The following ADARB1 variants were observed in gnomAD, a reference collection of about 807,000 sequenced individuals.
The protein encoded by ADARB1 is double-stranded RNA-specific editase 1.
Under a neutral mutation model 52.4 loss-of-function variants are expected in ADARB1, and 10 were observed. The ratio of observed to expected loss-of-function variants is 0.19; its 90% confidence interval spans 0.12 to 0.32. The LOEUF (loss-of-function observed/expected upper bound fraction) is 0.32, where lower values mean the gene tolerates loss of function less well. Among genes scored for constraint, ADARB1 ranks in the 10% least tolerant of loss-of-function variants. The probability of loss-of-function intolerance (pLI) is 1.00; values close to 1 mark genes in which losing one functional copy is unlikely to be tolerated. For missense variants in ADARB1, 643 were observed against 922.3 expected, an observed-to-expected ratio of 0.70 and a Z score of 3.92; for synonymous variants, 349 against 371.1, an observed-to-expected ratio of 0.94 and a Z score of 0.68.
rs1270551280 is a variant in ADARB1 at position 45,179,532 on chromosome 21, C to A, written c.964-798C>A. 3.3e-5 allele frequency among the ~76,000 whole-genome samples: 5 copies of A among 152,202 alleles called. No individual in the cohort carries two copies. In the East Asian group the frequency reaches 9.6e-4, roughly 29 times the overall value. Reference sequence around the variant, plus strand: ...ATTATATCCAAGATAAATCATAAGCCATAAGACCATGTCCAAAATCCAACA... The same window carrying A: ...ATTATATCCAAGATAAATCATAAGCAATAAGACCATGTCCAAAATCCAACA... On this transcript the variant is annotated intron_variant, in intron 4 of 10. Transcript: ENST00000348831.
intron 1 of ADARB1, among the ~76,000 whole-genome samples, chr21:45,084,424 T>A (rs2086262173): frequency 6.6e-6 from 1 of 152,134 alleles, no homozygotes; most frequent in Non-Finnish European, 1.5e-5. Context: ...GCCTAGGCCT[T>A]AGGGGTTAAG....
In ADARB1 at chr21:45,222,468, T is replaced by G. The variant is rs1391774470; in HGVS notation, c.*271T>G. 8.2e-6 allele frequency: 10 copies of G among 1,223,208 alleles called. No homozygotes were observed. The highest frequency in any genetic ancestry group is 1.0e-5 in the Non-Finnish European group (10 of 981,868). 75.8% of individuals were successfully genotyped at this position (1,223,208 alleles called of 1,614,324 possible). ...TTCCCCTTCTGAACCGTCCAGTGAC[T>G]GCTTTCAATCTCGGTTTACGTTTAG... On this transcript the variant is annotated 3_prime_UTR_variant, in exon 11 of 11. Transcript: ENST00000348831.
chr21:45,218,557 G>C (rs1406985268), intron 9 of ADARB1, among the ~76,000 whole-genome samples: 1 of 152,178 alleles, frequency 6.6e-6, no homozygotes, highest in East Asian at 1.9e-4. Context: ...GGCTCACTCT[G>C]TCTGCATGTC....
At position 45,176,755 on chromosome 21, in the gene ADARB1, T is replaced by G; in HGVS notation, c.963+91T>G. ...TTTTAGTTTCAGGATTACTGTTGAC[T>G]TTCCACCTTGACATCACTCTGTCCC... On this transcript the variant is annotated intron_variant, in intron 4 of 10. Coordinates refer to ENST00000348831, the MANE Select transcript of ADARB1 (RefSeq NM_001112.4). This position sits in a 1 kb window ranked among gnomAD's most constrained non-coding sequence, Gnocchi z 5.8. The G allele has an allele frequency of 7.4e-7, 1 of 1,346,054 alleles. No homozygotes were observed. Among genetic ancestry groups the G allele is most frequent in the Non-Finnish European group, 1.0e-6 (1 of 995,744 alleles). 83.4% of individuals were successfully genotyped at this position (1,346,054 alleles called of 1,614,324 possible).
At chr21:45,107,653 C>T (rs1325193229) in intron 1 of ADARB1, among the ~76,000 whole-genome samples, 1 of 152,068 alleles carries the variant, frequency 6.6e-6, no homozygotes, top group Non-Finnish European at 1.5e-5. Context: ...TAAAATACAT[C>T]ATTAGGATTT....
intron 1 of ADARB1, among the ~76,000 whole-genome samples, chr21:45,114,095 A>G (rs1372684154): frequency 2.6e-5 from 4 of 152,214 alleles, no homozygotes; most frequent in African/African-American, 4.8e-5. Context: ...AGAGGTTGCC[A>G]TCCTAAACCA....
intron 1 of ADARB1, among the ~76,000 whole-genome samples, chr21:45,108,708 C>T (rs1055239226): frequency 2.0e-5 from 3 of 151,710 alleles, no homozygotes; most frequent in East Asian, 1.9e-4. Flanking sequence ...TTCCACACTT[C>T]GACCTTTTTT....
In ADARB1 at chr21:45,225,062, G is replaced by A; in HGVS notation, c.*2865G>A. 1.0e-6 allele frequency: 1 copy of A among 960,030 alleles called. No individual in the cohort carries two copies. The highest frequency in any genetic ancestry group is 2.0e-5 in the African/African-American group (1 of 50,332). The allele number at this position is 960,030 out of a possible 1,614,324, so 59.5% of individuals were successfully genotyped here. On this transcript the variant is annotated 3_prime_UTR_variant, in exon 11 of 11. Coordinates refer to ENST00000348831, the MANE Select transcript of ADARB1 (RefSeq NM_001112.4). ...ACATTTTGACAAGTAGGGGAAGAGA[G>A]GGCTTCTGTTGTTTTGTTTTGTTTT...
At chr21:45,219,856 A>G (rs938110832) in intron 9 of ADARB1, among the ~76,000 whole-genome samples, 1 of 152,164 alleles carries the variant, frequency 6.6e-6, no homozygotes, top group Non-Finnish European at 1.5e-5. Context: ...TCATAAGCAG[A>G]TATTACCATC....
rs114691251 is a variant in ADARB1 at position 45,179,963 on chromosome 21, G to A, written c.964-367G>A. On this transcript the variant is annotated intron_variant, in intron 4 of 10. Coordinates refer to ENST00000348831, the MANE Select transcript of ADARB1 (RefSeq NM_001112.4). ...GGTGGGAGGGCCATACTAGGTGGGCGTAGGCGTGGGCAGGTGGCCCTGAGC... is the reference window on the plus strand; with the variant it reads ...GGTGGGAGGGCCATACTAGGTGGGCATAGGCGTGGGCAGGTGGCCCTGAGC... 5.5e-3 allele frequency among the ~76,000 whole-genome samples: 845 copies of A among 152,304 alleles called. 6 individuals carry two copies. Among genetic ancestry groups the A allele is most frequent in the African/African-American group, 0.019 (783 of 41,572 alleles).
At chr21:45,134,389 G>T (rs565234464) in intron 2 of ADARB1, among the ~76,000 whole-genome samples, 236 of 149,336 alleles carry the variant, frequency 1.6e-3, no homozygotes, top group Non-Finnish European at 2.8e-3. Flanking sequence ...GTGTGCGCCC[G>T]ATGGGTGTGT....
chr21:45,099,341 G>A (rs140882089), intron 1 of ADARB1, among the ~76,000 whole-genome samples: 3 of 152,216 alleles, frequency 2.0e-5, no homozygotes, highest in East Asian at 1.9e-4. Context: ...TAGGGTCTTC[G>A]GATTGCTCTG....
At position 45,225,388 on chromosome 21, in the gene ADARB1, G is replaced by A; in HGVS notation, c.*3191G>A. 1.6e-6 allele frequency: 2 copies of A among 1,272,414 alleles called. No homozygotes were observed. Among genetic ancestry groups the A allele is most frequent in the Non-Finnish European group, 2.0e-6 (2 of 1,007,652 alleles). 78.8% of individuals were successfully genotyped at this position (1,272,414 alleles called of 1,614,324 possible). On this transcript the variant is annotated 3_prime_UTR_variant, in exon 11 of 11. Transcript: ENST00000348831. The stretch of plus-strand genomic sequence containing the variant: ...CTTTTCCTATTTTGGAGAATTTTTT[G>A]TAATTAAAAGCAATTATTTTAAAAT...
chr21:45,216,942 C>T (rs1322505960), intron 9 of ADARB1, among the ~76,000 whole-genome samples: 1 of 151,730 alleles, frequency 6.6e-6, no homozygotes, highest in Non-Finnish European at 1.5e-5. Context: ...CCTCCTTTAC[C>T]ATTATATGAT....
intron 1 of ADARB1, among the ~76,000 whole-genome samples, chr21:45,123,532 T>G (rs997483537): frequency 8.5e-5 from 13 of 152,218 alleles, no homozygotes; most frequent in Admixed American, 2.0e-4. Flanking sequence ...CTTGAACTCT[T>G]GGGCTCAAGC....
At chr21:45,206,558 GTCTT>G (rs2092669972) in intron 9 of ADARB1, among the ~76,000 whole-genome samples, 1 of 107,946 alleles carries the variant, frequency 9.3e-6, no homozygotes, top group Non-Finnish European at 1.8e-5. Context: ...ATCTTCTCTG[GTCTT>G]TTTTTTTTTT....
chr21:45,104,709 G>A (rs1199094343), intron 1 of ADARB1, among the ~76,000 whole-genome samples: 1 of 152,214 alleles, frequency 6.6e-6, no homozygotes, highest in African/African-American at 2.4e-5. Context: ...AGTGGCAAGC[G>A]TGCCCTCTGG....
intron 8 of ADARB1, among the ~76,000 whole-genome samples, chr21:45,188,448 A>G (rs1171573165): frequency 6.6e-6 from 1 of 152,168 alleles, no homozygotes; most frequent in Non-Finnish European, 1.5e-5. Flanking sequence ...TACTGACCCA[A>G]TATTCTTATC....
chr21:45,222,560 C>A lies in ADARB1; in HGVS notation c.*363C>A. On this transcript the variant is annotated 3_prime_UTR_variant, in exon 11 of 11. Transcript: ENST00000348831. ...AATAGAAATTACTTTGTGTGAAATTCTTGAATAAATAATTTATTCAGAGCT... is the reference window on the plus strand; with the variant it reads ...AATAGAAATTACTTTGTGTGAAATTATTGAATAAATAATTTATTCAGAGCT... The A allele has an allele frequency of 9.6e-7, 1 of 1,044,522 alleles. No individual in the cohort carries two copies. The highest frequency in any genetic ancestry group is 4.5e-5 in the South Asian group (1 of 22,162). The allele number at this position is 1,044,522 out of a possible 1,614,324, so 64.7% of individuals were successfully genotyped here.
Sources: gnomAD v4.1 joint callset for allele counts (sites outside exome capture counted in the v4.1 genomes callset) on GRCh38, gnomAD v4.1.1 for gene constraint, Gnocchi (gnomAD v3.1) non-coding constraint, MANE v1.5 for transcripts, NCBI Gene and HGNC (gene_info 2026-07-23, HGNC 2026-07-21) for gene names.